Variants in PCDH15 observed in about 807,000 individuals in gnomAD.
PCDH15 encodes protocadherin-15.
PCDH15 carries 129 observed loss-of-function variants against 178.5 expected under a neutral mutation model. The ratio of observed to expected loss-of-function variants is 0.72; its 90% CI spans 0.63 to 0.84. The LOEUF (loss-of-function observed/expected upper bound fraction) is 0.84. Ranked by LOEUF, PCDH15 falls within the 40% of genes least tolerant of loss-of-function variation. The probability of loss-of-function intolerance (pLI) is 0.00; values close to 1 mark genes in which losing one functional copy is unlikely to be tolerated. For synonymous variants in PCDH15, 800 were observed against 732.0 expected (o/e 1.09, Z -1.50); for missense variants, 2,230 against 2,099.9 (o/e 1.06, Z -1.21).
At chr10:55,586,077 A>G (rs566317232) in intron 2 of PCDH15, among the ~76,000 whole-genome samples, 3 of 152,152 alleles carry the variant, frequency 2.0e-5, no homozygotes, top group Non-Finnish European at 4.4e-5. Flanking sequence ...AATTTGACAA[A>G]TGTTCTCTAT....
Position 53,802,985 on chromosome 10 carries a change from ATAAATT to A in PCDH15, c.*3588_*3593del, listed in dbSNP as rs1201909112. The stretch of plus-strand genomic sequence containing the variant: ...CTTCCATACATGTGCTTAACTGACC[ATAAATT>A]TAAAGTAGATTGCAATGAAAAAAAT... On this transcript the variant is annotated 3_prime_UTR_variant, in exon 38 of 38. Transcript: ENST00000644397. The A allele has an allele frequency of 6.6e-6, 1 of 151,902 alleles. No homozygotes were observed. The highest frequency in any genetic ancestry group is 1.5e-5 in the Non-Finnish European group (1 of 67,818). 9.4% of individuals were successfully genotyped at this position (151,902 alleles called of 1,614,324 possible).
In PCDH15 at chr10:54,574,664, G is replaced by C. The variant is rs1201860603; in HGVS notation, c.92-46787C>G. Among the ~76,000 whole-genome samples, 5 of 148,334 alleles carry C rather than the reference G, an allele frequency of 3.4e-5. No homozygotes were observed. The Admixed American group carries it at 3.4e-4, about 10-fold the overall frequency. On this transcript the variant is annotated intron_variant, in intron 2 of 37. Coordinates refer to ENST00000644397, the MANE Select transcript of PCDH15 (RefSeq NM_001384140.1). ...GTCAGGAAACTACAGGTGCTGGAGA[G>C]GATGTGGAGAAATAGGAACACTTTT...
intron 2 of PCDH15, among the ~76,000 whole-genome samples, chr10:54,659,050 A>T (rs2094451559): frequency 6.6e-6 from 1 of 152,170 alleles, no homozygotes; most frequent in Non-Finnish European, 1.5e-5. Flanking sequence ...AAAGAAAGAT[A>T]CAATTCAACA....
intron 2 of PCDH15, among the ~76,000 whole-genome samples, chr10:55,626,955 T>TGA (rs1054425641): frequency 6.8e-6 from 1 of 148,102 alleles, no homozygotes; most frequent in Admixed American, 6.7e-5. Flanking sequence ...AGAAAGAAAA[T>TGA]GAGAGAGAGA....
At chr10:55,450,904 C>T (rs1839420201) in intron 2 of PCDH15, among the ~76,000 whole-genome samples, 1 of 145,660 alleles carries the variant, frequency 6.9e-6, no homozygotes, top group South Asian at 2.2e-4. Context: ...ATGAATAAAA[C>T]ATGTGAAAAT....
intron 2 of PCDH15, among the ~76,000 whole-genome samples, chr10:55,069,217 T>C (rs1841652602): frequency 6.6e-6 from 1 of 151,450 alleles, no homozygotes. Flanking sequence ...ATCTTTTTGA[T>C]GTTCTGTTAG....
intron 2 of PCDH15, among the ~76,000 whole-genome samples, chr10:55,569,432 C>G (rs1369499562): frequency 6.6e-6 from 1 of 151,646 alleles, no homozygotes; most frequent in Non-Finnish European, 1.5e-5. Flanking sequence ...TCTAGGACAA[C>G]AAAGGGCAAA....
chr10:53,977,922 C>T (rs981849816), intron 21 of PCDH15, among the ~76,000 whole-genome samples: 53 of 152,208 alleles, frequency 3.5e-4, no homozygotes, highest in Admixed American at 3.4e-3. Context: ...CACTCCATAT[C>T]ATATCCAGGT....
intron 2 of PCDH15, among the ~76,000 whole-genome samples, chr10:55,151,220 T>C (rs999036625): frequency 4.6e-5 from 7 of 152,106 alleles, no homozygotes; most frequent in African/African-American, 1.4e-4. Flanking sequence ...CCAGAAAAGA[T>C]GTATTTTGAG....
chr10:55,607,935 G>C (rs928613054), intron 2 of PCDH15, among the ~76,000 whole-genome samples: 6 of 151,796 alleles, frequency 4.0e-5, no homozygotes, highest in Non-Finnish European at 8.8e-5. Flanking sequence ...GAGACAGAGA[G>C]AGAGAGAAAG....
intron 2 of PCDH15, among the ~76,000 whole-genome samples, chr10:55,576,740 A>T (rs1371781879): frequency 6.6e-6 from 1 of 152,096 alleles, no homozygotes; most frequent in African/African-American, 2.4e-5. Context: ...CTAAAAAAAA[A>T]ATGCCTAAAA....
chr10:54,146,914 T>TATATAGTGTGTATAC (rs2043982932), intron 14 of PCDH15, among the ~76,000 whole-genome samples: 3 of 145,860 alleles, frequency 2.1e-5, no homozygotes, highest in African/African-American at 2.5e-5. Flanking sequence ...ATAGTGTATA[T>TATATAGTGTGTATAC]ATATAGTGTA....
At chr10:55,529,741 G>GTACATA (rs1841401671) in intron 2 of PCDH15, among the ~76,000 whole-genome samples, 1 of 62,772 alleles carries the variant, frequency 1.6e-5, no homozygotes, top group African/African-American at 5.5e-5. Context: ...TTGTCTGTGA[G>GTACATA]TATATATATA....
intron 2 of PCDH15, among the ~76,000 whole-genome samples, chr10:55,529,811 A>T (rs1292624090): frequency 8.3e-6 from 1 of 120,898 alleles, no homozygotes; most frequent in East Asian, 2.6e-4. Flanking sequence ...TGTTTTTGAC[A>T]GTCCCTAAAA....
chr10:55,427,627 A>G (rs1426178847), intron 2 of PCDH15, among the ~76,000 whole-genome samples: 2 of 152,200 alleles, frequency 1.3e-5, no homozygotes, highest in Non-Finnish European at 2.9e-5. Context: ...TGCATCTTGG[A>G]GTGGTGGAAA....
intron 1 of PCDH15, among the ~76,000 whole-genome samples, chr10:55,309,993 C>T (rs1372682998): frequency 1.3e-5 from 2 of 152,158 alleles, no homozygotes; most frequent in African/African-American, 2.4e-5. Context: ...TTTTGCTCAC[C>T]TTTCCTCCCA....
chr10:55,026,328 G>T (rs1240540229), intron 2 of PCDH15, among the ~76,000 whole-genome samples: 1 of 151,892 alleles, frequency 6.6e-6, no homozygotes, highest in East Asian at 1.9e-4. Flanking sequence ...TGTGCCAGAA[G>T]AGATACATAC....
At chr10:55,059,224 C>T (rs1403371861) in intron 2 of PCDH15, among the ~76,000 whole-genome samples, 4 of 152,132 alleles carry the variant, frequency 2.6e-5, no homozygotes, top group African/African-American at 9.7e-5. Flanking sequence ...GGCCATAGTA[C>T]TTTAAAAACC....
At chr10:55,556,932 C>T (rs1428606560) in intron 2 of PCDH15, among the ~76,000 whole-genome samples, 2 of 152,086 alleles carry the variant, frequency 1.3e-5, no homozygotes, top group East Asian at 1.9e-4. Context: ...TGTGTATTTG[C>T]TCTTTATTGA....
Sources: gnomAD v4.1 joint callset for allele counts (sites outside exome capture counted in the v4.1 genomes callset) on GRCh38, gnomAD v4.1.1 for gene constraint, MANE v1.5 for transcripts, NCBI Gene and HGNC (gene_info 2026-07-23, HGNC 2026-07-21) for gene names.